VPS35L: variants seen among roughly 807,000 people sequenced by gnomAD.
The protein encoded by VPS35L is VPS35 endosomal protein-sorting factor-like.
Under a neutral mutation model 133.0 loss-of-function variants are expected in VPS35L, and 83 were observed. That is an observed-to-expected ratio of 0.62 (90% confidence interval 0.52 to 0.75). The LOEUF is 0.75. Among genes scored for constraint, VPS35L ranks in the 30% least tolerant of loss-of-function variants. The pLI, the probability that VPS35L is intolerant of heterozygous loss-of-function variation, is 0.00. For missense variants in VPS35L, 1,083 were observed against 1,206.8 expected (o/e 0.90, Z 1.52); for synonymous variants, 423 against 449.9 (o/e 0.94, Z 0.76).
intron 13 of VPS35L, 26 bp from the exon 14 acceptor site, chr16:19,616,660 C>T: frequency 6.2e-7 from 1 of 1,608,044 alleles, no homozygotes; most frequent in Non-Finnish European, 8.5e-7. Flanking sequence ...CCCTCCTTTT[C>T]TAAGTGTTTG....
chr16:19,569,314 C>T, intron 2 of VPS35L, 110 bp from the exon 3 acceptor site: 2 of 1,241,244 alleles, frequency 1.6e-6, no homozygotes, highest in Non-Finnish European at 2.4e-6. Flanking sequence ...GTCTCTGCTG[C>T]AAATGAACCA....
At position 19,701,039 on chromosome 16, in the gene VPS35L, G is replaced by C. The variant is rs897701922; in HGVS notation, c.*563G>C. The stretch of plus-strand genomic sequence containing the variant: ...CTTGATTGGACTTAGAATCTGTGTT[G>C]GTGGATCAAAGGAGAAAGCGAGGTC... On this transcript the variant is annotated 3_prime_UTR_variant, in exon 31 of 31. Transcript: ENST00000417362. 1 of 152,452 alleles carries C rather than the reference G, an allele frequency of 6.6e-6. No homozygotes were observed. The highest frequency in any genetic ancestry group is 1.9e-4 in the East Asian group (1 of 5,190). 9.4% of individuals were successfully genotyped at this position (152,452 alleles called of 1,614,324 possible).
chr16:19,651,618 C>T (rs1391256691), intron 25 of VPS35L, among the ~76,000 whole-genome samples: 2 of 152,218 alleles, frequency 1.3e-5, no homozygotes, highest in Non-Finnish European at 2.9e-5. Context: ...CACCTTGCTT[C>T]TCTTTCCTCA....
At chr16:19,638,707 A>T (rs1470472900) in intron 20 of VPS35L, among the ~76,000 whole-genome samples, 1 of 152,256 alleles carries the variant, frequency 6.6e-6, no homozygotes, top group Non-Finnish European at 1.5e-5. Flanking sequence ...AGCAGGTAGC[A>T]TCTACAATGT....
At chr16:19,615,968 A>AAATAATAATAATAATAATAATAAT (rs10683142) in intron 12 of VPS35L, 146 bp from the exon 13 acceptor site, 162 of 255,272 alleles carry the variant, frequency 6.3e-4, no homozygotes, top group African/African-American at 3.9e-3. Context: ...CTCCATCTCA[A>AAATAATAATAATAATAATAATAAT]AATAATAATA....
At chr16:19,579,915 C>G (rs1048193206) in intron 6 of VPS35L, 2 of 151,602 alleles carry the variant, frequency 1.3e-5, no homozygotes, top group African/African-American at 2.4e-5. Context: ...AAAAAAAAAT[C>G]TTTGCCAGGC....
intron 27 of VPS35L, among the ~76,000 whole-genome samples, chr16:19,681,567 C>A (rs1975280564): frequency 6.6e-6 from 1 of 152,204 alleles, no homozygotes; most frequent in Non-Finnish European, 1.5e-5. Flanking sequence ...GACTCACATA[C>A]ACCTTTTTGG....
chr16:19,563,181 CAAA>C (rs1231273898), intron 1 of VPS35L, among the ~76,000 whole-genome samples: 1 of 151,764 alleles, frequency 6.6e-6, no homozygotes, highest in Non-Finnish European at 1.5e-5. Context: ...TTAAAATGCT[CAAA>C]GAAGGCTGGG....
At chr16:19,680,914 GC>G (rs11300253) in intron 27 of VPS35L, among the ~76,000 whole-genome samples, 14,902 of 134,664 alleles carry the variant, frequency 0.11, 1,186 homozygotes, top group East Asian at 0.22. Flanking sequence ...CTCAGAACCC[GC>G]CCCCCCCCTA....
At chr16:19,560,994 A>G (rs1971011018) in intron 1 of VPS35L, among the ~76,000 whole-genome samples, 1 of 152,060 alleles carries the variant, frequency 6.6e-6, no homozygotes, top group East Asian at 1.9e-4. Context: ...ATCTTTTGGA[A>G]GATGAAGATA....
rs1597442332 is a variant in VPS35L at position 19,691,345 on chromosome 16, T to A, written c.2528-8T>A. The A allele has an allele frequency of 6.2e-6, 10 of 1,607,226 alleles. No homozygotes were observed. In the East Asian group the frequency reaches 2.0e-4, roughly 32 times the overall value. On this transcript the variant is annotated splice_region_variant and splice_polypyrimidine_tract_variant and intron_variant, in intron 28 of 30. Coordinates refer to ENST00000417362, the MANE Select transcript of VPS35L (RefSeq NM_020314.7). ...GGGTCTGTCTCACTGTTCTTGTTTG[T>A]TCAACAGTGGACTCCAACGACAGCC...
At chr16:19,663,669 C>CTTTTTTTTTT (rs59826351) in intron 26 of VPS35L, among the ~76,000 whole-genome samples, 33 of 63,912 alleles carry the variant, frequency 5.2e-4, no homozygotes, top group Admixed American at 7.9e-4. Flanking sequence ...GCAGTAATTT[C>CTTTTTTTTTT]TTTTTTTTTT....
At position 19,610,399 on chromosome 16, in the gene VPS35L, G is replaced by T; in HGVS notation, c.1007G>T (p.Arg336Leu). 1 of 1,613,752 alleles carries T rather than the reference G, an allele frequency of 6.2e-7. No homozygotes were observed. The highest frequency in any genetic ancestry group is 1.1e-5 in the South Asian group (1 of 91,004). ...GACCCACTAGTGTCGGTGTATGCCC[G>T]TGCCTACCTGTGCCGGGTAGGCCAT... ...IGDPLVSVYA[R>L]AYLCRVGMEV... Residue 336 changes from arginine (R) to leucine (L), a missense_variant, in exon 12 of 31, where the codon CGT becomes CTT. Physicochemically the swap from Arg to Leu is moderately radical, Grantham distance 102 (BLOSUM62 -2). Coordinates refer to ENST00000417362, the MANE Select transcript of VPS35L (RefSeq NM_020314.7).
At chr16:19,585,513 C>T (rs1168863893) in intron 7 of VPS35L, among the ~76,000 whole-genome samples, 6 of 151,878 alleles carry the variant, frequency 4.0e-5, no homozygotes, top group African/African-American at 1.2e-4. Context: ...GCGATCCTCC[C>T]GCCTCAGCCT....
chr16:19,672,412 T>C (rs1166557945), intron 27 of VPS35L, among the ~76,000 whole-genome samples: 1 of 152,210 alleles, frequency 6.6e-6, no homozygotes, highest in Non-Finnish European at 1.5e-5. Flanking sequence ...ATTGACTGTA[T>C]TGATGATCGC....
rs1279261421 is a variant in VPS35L at position 19,644,929 on chromosome 16, A to C, written c.1909A>C (p.Ile637Leu). 1 of 1,599,836 alleles carries C rather than the reference A, an allele frequency of 6.3e-7. No homozygotes were observed. Among genetic ancestry groups the C allele is most frequent in the Non-Finnish European group, 8.6e-7 (1 of 1,167,908 alleles). Residue 637 changes from isoleucine (I) to leucine (L), a missense_variant, in exon 23 of 31, where the codon ATT (isoleucine) becomes CTT (leucine). By Grantham distance (5) the Ile-to-Leu change is conservative. Coordinates refer to ENST00000417362, the MANE Select transcript of VPS35L (RefSeq NM_020314.7). Reference sequence around the variant, plus strand: ...TGAGAAAAGAATGCTGTCATATTTGATTAATGGATTTATAAAAATGGTAAG... The same window carrying C: ...TGAGAAAAGAATGCTGTCATATTTGCTTAATGGATTTATAAAAATGGTAAG... ...EDEKRMLSYL[I>L]NGFIKMVSFG... is the part of the protein sequence containing the mutation.
intron 28 of VPS35L, among the ~76,000 whole-genome samples, chr16:19,687,117 C>T (rs751385948): frequency 1.3e-4 from 20 of 152,128 alleles, no homozygotes; most frequent in Non-Finnish European, 2.1e-4. Flanking sequence ...ACTAGGTTCC[C>T]GCTCCTAGCC....
At chr16:19,565,134 C>T (rs1397146779) in intron 2 of VPS35L, among the ~76,000 whole-genome samples, 184 bp downstream of exon 2, 3 of 151,246 alleles carry the variant, frequency 2.0e-5, no homozygotes, top group Admixed American at 6.6e-5. Flanking sequence ...CAACCTCTGA[C>T]CTCTGCCTCC....
At chr16:19,663,544 C>G (rs577966621) in intron 26 of VPS35L, among the ~76,000 whole-genome samples, 1 of 150,332 alleles carries the variant, frequency 6.7e-6, no homozygotes, top group Non-Finnish European at 1.5e-5. Context: ...CACCCTCCCC[C>G]CCGATTTTTT....
Sources: gnomAD v4.1 joint callset for allele counts (sites outside exome capture counted in the v4.1 genomes callset) on GRCh38, gnomAD v4.1.1 for gene constraint, MANE v1.5 for transcripts, NCBI Gene and HGNC (gene_info 2026-07-23, HGNC 2026-07-21) for gene names.